Variants in SMYD2 observed in about 807,000 individuals in gnomAD.
SMYD2 encodes the protein SET and MYND domain containing 2, also known as N-lysine methyltransferase SMYD2.
A neutral mutation model predicts 59.1 loss-of-function variants in SMYD2; 53 were observed. The observed-to-expected ratio is 0.90, with a 90% confidence interval of 0.72 to 1.13. The LOEUF is 1.13. Among genes scored for constraint, SMYD2 ranks in the 50% most tolerant of loss-of-function variants. The pLI, the probability that SMYD2 is intolerant of heterozygous loss-of-function variation, is 0.00. For synonymous variants in SMYD2, 208 were observed against 198.8 expected (o/e 1.05, Z -0.39); for missense variants, 494 against 544.7 (o/e 0.91, Z 0.93).
rs1203428129 is a variant in SMYD2, at chr1:214,331,849, G to T, written c.938-169G>T. 1.2e-5 allele frequency: 8 copies of T among 649,842 alleles called. No individual in the cohort carries two copies. The East Asian group carries it at 2.0e-4, about 16-fold the overall frequency. 40.3% of individuals were successfully genotyped at this position (649,842 alleles called of 1,614,324 possible). On this transcript the variant is annotated intron_variant, in intron 9 of 11. Coordinates refer to ENST00000366957, the MANE Select transcript of SMYD2 (RefSeq NM_020197.3). ...TCCGACCTTCAGGTTTTCTTCATTT[G>T]TTTTTTCTGGAGAAATGTAATTCCT...
intron 3 of SMYD2, among the ~76,000 whole-genome samples, chr1:214,317,420 G>T (rs1234688037): frequency 6.6e-6 from 1 of 152,162 alleles, no homozygotes; most frequent in Non-Finnish European, 1.5e-5. Context: ...AGCGTGCCCT[G>T]CTAGACCACC....
chr1:214,301,232 A>G (rs1168948085), intron 1 of SMYD2, among the ~76,000 whole-genome samples: 2 of 152,174 alleles, frequency 1.3e-5, no homozygotes, highest in African/African-American at 2.4e-5. Flanking sequence ...TAGATACGTA[A>G]TTGGTAAGAG....
chr1:214,317,258 A>G (rs895593104), intron 3 of SMYD2, among the ~76,000 whole-genome samples: 1 of 152,228 alleles, frequency 6.6e-6, no homozygotes, highest in African/African-American at 2.4e-5. Context: ...CTAATAGTGT[A>G]TTAAATGAAA....
intron 1 of SMYD2, among the ~76,000 whole-genome samples, chr1:214,302,626 T>A (rs1185652017): frequency 6.6e-6 from 1 of 152,160 alleles, no homozygotes; most frequent in Admixed American, 6.5e-5. Flanking sequence ...TACTTCCTGC[T>A]CTTTATTATT....
intron 1 of SMYD2, among the ~76,000 whole-genome samples, chr1:214,297,313 G>A (rs535963183): frequency 1.3e-5 from 2 of 149,426 alleles, no homozygotes; most frequent in African/African-American, 5.1e-5. Context: ...GGTTATTTCA[G>A]GTTTTTTTTT....
chr1:214,317,256 G>A (rs1657101641), intron 3 of SMYD2, among the ~76,000 whole-genome samples: 1 of 152,196 alleles, frequency 6.6e-6, no homozygotes, highest in African/African-American at 2.4e-5. Flanking sequence ...TACTAATAGT[G>A]TATTAAATGA....
chr1:214,303,791 G>GCACGCC lies in SMYD2; in HGVS notation c.174-1394_174-1389dup, dbSNP rs1347880180. On this transcript the variant is annotated intron_variant, in intron 1 of 11. Transcript: ENST00000366957. Reference sequence around the variant, plus strand: ...ATTATAAGATGTCAGCCCCCACCGCGCACGCCCCCGCCCCCGTCAGCTCTG... The same window carrying GCACGCC: ...ATTATAAGATGTCAGCCCCCACCGCGCACGCCCACGCCCCCGCCCCCGTCAGCTCTG... Among the ~76,000 whole-genome samples the GCACGCC allele has an allele frequency of 9.3e-4, 141 of 152,280 alleles. 1 individual carries two copies. Among genetic ancestry groups the GCACGCC allele is most frequent in the Middle Eastern group, 6.8e-3 (2 of 294 alleles).
intron 2 of SMYD2, among the ~76,000 whole-genome samples, chr1:214,307,665 T>C (rs995790173): frequency 6.6e-6 from 1 of 152,182 alleles, no homozygotes; most frequent in Non-Finnish European, 1.5e-5. Context: ...TTAGGCCTCA[T>C]GAGGTGGCAG....
chr1:214,332,101 C>T lies in SMYD2; in HGVS notation c.1021C>T (p.His341Tyr), dbSNP rs1657365243. 6.2e-7 allele frequency: 1 copy of T among 1,613,998 alleles called. No homozygotes were observed. Among genetic ancestry groups the T allele is most frequent in the Non-Finnish European group, 8.5e-7 (1 of 1,180,028 alleles). The change falls in exon 10 of 12, where the codon CAC (histidine) becomes TAC (tyrosine). Residue 341 changes from histidine (H) to tyrosine (Y), a missense_variant. Transcript: ENST00000366957. ...TGAGGACAGTAACGTGTACATGTTG[C>T]ACATGATGTACCAGGCCATGGGTGT... ...VFEDSNVYML[H>Y]MMYQAMGVCL...
At chr1:214,306,533 G>A (rs1656918253) in intron 2 of SMYD2, among the ~76,000 whole-genome samples, 1 of 152,188 alleles carries the variant, frequency 6.6e-6, no homozygotes, top group African/African-American at 2.4e-5. Flanking sequence ...AGCCTGTGTG[G>A]CAGTGAGAAT....
intron 5 of SMYD2, among the ~76,000 whole-genome samples, chr1:214,322,382 A>G (rs910911881): frequency 6.6e-6 from 1 of 152,254 alleles, no homozygotes; most frequent in African/African-American, 2.4e-5. Context: ...TCTGTGTGAC[A>G]GAATTGGTCA....
At chr1:214,287,460 G>C (rs991406763) in intron 1 of SMYD2, among the ~76,000 whole-genome samples, 1 of 151,586 alleles carries the variant, frequency 6.6e-6, no homozygotes. Context: ...AGTGGCGGGC[G>C]CCTGTAATCC....
intron 2 of SMYD2, among the ~76,000 whole-genome samples, chr1:214,309,436 A>G (rs535755492): frequency 6.6e-6 from 1 of 152,332 alleles, no homozygotes; most frequent in African/African-American, 2.4e-5. Context: ...TATATAGAAT[A>G]ATCATTGTGC....
In SMYD2 at chr1:214,288,398, C is replaced by T. The variant is rs767953639; in HGVS notation, c.173+6971C>T. On this transcript the variant is annotated intron_variant, in intron 1 of 11. Coordinates refer to ENST00000366957, the MANE Select transcript of SMYD2 (RefSeq NM_020197.3). ...TATTTATTGAGTGCCTCTTAAAGGC[C>T]GGACTCCATGACCTTCAAGGATGGA... is the stretch of plus-strand genomic sequence containing the variant. Among the ~76,000 whole-genome samples, 4 of 152,108 alleles carry T rather than the reference C, an allele frequency of 2.6e-5. No homozygotes were observed. In the South Asian group the frequency reaches 8.3e-4, roughly 32 times the overall value.
chr1:214,317,199 A>G (rs139341693), intron 3 of SMYD2, among the ~76,000 whole-genome samples: 15 of 152,334 alleles, frequency 9.8e-5, no homozygotes, highest in African/African-American at 3.6e-4. Context: ...GAATGCAAAG[A>G]TGAGTTTATA....
intron 2 of SMYD2, among the ~76,000 whole-genome samples, chr1:214,313,540 T>G (rs1657033179): frequency 6.6e-6 from 1 of 152,008 alleles, no homozygotes; most frequent in African/African-American, 2.4e-5. Context: ...CCCCGCAACT[T>G]TTCACTACTC....
At chr1:214,319,070 G>T in intron 5 of SMYD2, 87 bp downstream of exon 5, 1 of 1,489,714 alleles carries the variant, frequency 6.7e-7, no homozygotes, top group East Asian at 2.3e-5. Flanking sequence ...GAAGATGAAT[G>T]CAAATAGAAT....
intron 1 of SMYD2, among the ~76,000 whole-genome samples, chr1:214,285,300 G>A (rs1401020934): frequency 6.6e-6 from 1 of 152,110 alleles, no homozygotes; most frequent in Non-Finnish European, 1.5e-5. Flanking sequence ...TCAGTATTAA[G>A]GGCCATGAAA....
At chr1:214,319,613 C>A (rs1037639849) in intron 5 of SMYD2, among the ~76,000 whole-genome samples, 3 of 152,218 alleles carry the variant, frequency 2.0e-5, no homozygotes, top group Non-Finnish European at 2.9e-5. Context: ...ACTGGCAAGG[C>A]AAGCCTTGGG....
Sources: allele counts gnomAD v4.1 joint callset (sites outside exome capture counted in the v4.1 genomes callset), GRCh38; gene constraint gnomAD v4.1.1; transcripts MANE v1.5; gene names NCBI Gene and HGNC (gene_info 2026-07-23, HGNC 2026-07-21).